Variants in XRRA1 observed in about 807,000 individuals in gnomAD.
XRRA1 encodes X-ray radiation resistance associated 1.
In XRRA1, 69 loss-of-function variants were observed where a neutral mutation model predicts 80.2. That is an observed-to-expected ratio of 0.86 (90% CI 0.71 to 1.05). XRRA1 has a LOEUF of 1.05. Ranked by LOEUF, XRRA1 falls within the 50% of genes least tolerant of loss-of-function variation. The pLI is 0.00. For missense variants in XRRA1, 967 were observed against 976.4 expected (o/e 0.99, Z 0.13); for synonymous variants, 348 against 389.9 (o/e 0.89, Z 1.27).
At chr11:74,897,706 TAAAAAAAAAAAA>T (rs61193896) in intron 10 of XRRA1, among the ~76,000 whole-genome samples, 1 of 84,440 alleles carries the variant, frequency 1.2e-5, no homozygotes, top group Non-Finnish European at 2.3e-5. Context: ...TTTAAACTGC[TAAAAAAAAAAAA>T]AAAAGAAAAA....
chr11:74,933,378 T>A (rs1179947074), intron 5 of XRRA1: 2 of 156,560 alleles, frequency 1.3e-5, no homozygotes, highest in African/African-American at 4.8e-5. Flanking sequence ...TGCCTCAGCC[T>A]CCCAAGTAGC....
At chr11:74,933,777 C>T in intron 5 of XRRA1, 24 bp downstream of exon 5, 2 of 1,567,912 alleles carry the variant, frequency 1.3e-6, no homozygotes, top group Non-Finnish European at 1.7e-6. Context: ...TCACCCCAAT[C>T]ACATCTTTGC....
intron 14 of XRRA1, 85 bp downstream of exon 14, chr11:74,851,003 G>A: frequency 1.0e-6 from 1 of 964,278 alleles, no homozygotes; most frequent in East Asian, 2.7e-5. Flanking sequence ...TGTGGAGTGA[G>A]CAGCTCTACA....
chr11:74,845,305 C>CTCAT (rs753326460), intron 15 of XRRA1, 34 bp from the exon 16 acceptor site: 306 of 1,569,560 alleles, frequency 1.9e-4, no homozygotes, highest in Non-Finnish European at 2.3e-4. Flanking sequence ...TCATTTGTCA[C>CTCAT]TCATTCATTC....
intron 10 of XRRA1, among the ~76,000 whole-genome samples, chr11:74,895,708 C>T (rs2052127625): frequency 6.6e-6 from 1 of 152,176 alleles, no homozygotes; most frequent in Non-Finnish European, 1.5e-5. Context: ...AAGAAGATTT[C>T]GTCTTGTATC....
chr11:74,891,820 T>C (rs1314877342), intron 10 of XRRA1, among the ~76,000 whole-genome samples: 1 of 152,126 alleles, frequency 6.6e-6, no homozygotes, highest in African/African-American at 2.4e-5. Context: ...TCAAAGAGAA[T>C]AAAATACCTA....
chr11:74,933,634 ATTGTTTCAACCCAATAAATCCTTGTC>A, intron 5 of XRRA1, 141 bp downstream of exon 5: 2 of 590,812 alleles, frequency 3.4e-6, no homozygotes, highest in Non-Finnish European at 6.0e-6. Flanking sequence ...GTGTCTGAAT[ATTGTTTCAACCCAATAAATCCTTGTC>A]TGACTCTCCT....
intron 14 of XRRA1, chr11:74,850,759 C>A (rs1287640988): frequency 6.1e-6 from 1 of 163,100 alleles, no homozygotes; most frequent in African/African-American, 2.4e-5. Context: ...TGGTCTCAAA[C>A]TCCTGCCCTC....
At chr11:74,844,099 G>A (rs1334030249) in intron 17 of XRRA1, 69 bp downstream of exon 17, 2 of 1,513,210 alleles carry the variant, frequency 1.3e-6, no homozygotes, top group Non-Finnish European at 9.2e-7. Flanking sequence ...GTCCCAAGGT[G>A]ACAGCCACAT....
intron 12 of XRRA1, among the ~76,000 whole-genome samples, chr11:74,857,611 C>G (rs2041420231): frequency 6.6e-6 from 1 of 151,714 alleles, no homozygotes; most frequent in Non-Finnish European, 1.5e-5. Context: ...AACCAACCAC[C>G]TTAACTTAAT....
At position 74,843,872 on chromosome 11, in the gene XRRA1, T is replaced by G; in HGVS notation, c.2131A>C (p.Ile711Leu). The change falls in exon 18 of 19, where the codon ATT (isoleucine) becomes CTT (leucine). Residue 711 changes from isoleucine (I) to leucine (L), a missense_variant. Coordinates refer to ENST00000684022, the MANE Select transcript of XRRA1 (RefSeq NM_001378157.1). ...IFIRLRDPRN[I>L]TEAPLGAVLH... ...GCCGTACCTAGTGGAGCCTCTGTAA[T>G]GTTCCGGGGATCCCGCAAGCGAATG... The G allele has an allele frequency of 6.2e-7, 1 of 1,611,408 alleles. No individual in the cohort carries two copies. The highest frequency in any genetic ancestry group is 8.5e-7 in the Non-Finnish European group (1 of 1,178,802).
intron 14 of XRRA1, chr11:74,850,870 T>C (rs567816322): frequency 1.6e-4 from 49 of 298,292 alleles, no homozygotes; most frequent in Non-Finnish European, 2.9e-4. Context: ...TGACTATAAC[T>C]TTCAATGGTA....
chr11:74,880,013 T>C (rs1565304778), intron 10 of XRRA1, among the ~76,000 whole-genome samples: 1 of 152,030 alleles, frequency 6.6e-6, no homozygotes, highest in Non-Finnish European at 1.5e-5. Flanking sequence ...TCTTTTTCTA[T>C]TGATTGGAAT....
At chr11:74,862,271 C>G (rs902796594) in intron 11 of XRRA1, among the ~76,000 whole-genome samples, 1 of 152,082 alleles carries the variant, frequency 6.6e-6, no homozygotes. Flanking sequence ...ATCACTTCGT[C>G]GACTCAATTG....
chr11:74,948,470 T>C (rs1161948177), intron 1 of XRRA1, among the ~76,000 whole-genome samples: 2 of 152,264 alleles, frequency 1.3e-5, no homozygotes, highest in Non-Finnish European at 2.9e-5. Context: ...ACAATATTGG[T>C]GCTCAATATA....
chr11:74,928,877 C>T (rs548800519), intron 6 of XRRA1, among the ~76,000 whole-genome samples: 7 of 152,150 alleles, frequency 4.6e-5, no homozygotes, highest in Non-Finnish European at 7.4e-5. Context: ...ACACCAATGA[C>T]TATACTTCCA....
intron 3 of XRRA1, among the ~76,000 whole-genome samples, chr11:74,937,771 T>C (rs968498343): frequency 2.0e-5 from 3 of 152,232 alleles, no homozygotes; most frequent in African/African-American, 7.2e-5. Flanking sequence ...GTGGTATTCA[T>C]TGCAATCTGT....
At chr11:74,867,260 A>T (rs916893063) in intron 10 of XRRA1, among the ~76,000 whole-genome samples, 2 of 152,226 alleles carry the variant, frequency 1.3e-5, no homozygotes, top group African/African-American at 4.8e-5. Flanking sequence ...TGGAATTCAG[A>T]ATATGGATGG....
At chr11:74,883,266 C>G (rs1761615624) in intron 10 of XRRA1, among the ~76,000 whole-genome samples, 1 of 152,228 alleles carries the variant, frequency 6.6e-6, no homozygotes, top group Non-Finnish European at 1.5e-5. Flanking sequence ...TGGGAGTGAC[C>G]TGATTTTCCA....
Sources: allele counts gnomAD v4.1 joint callset (sites outside exome capture counted in the v4.1 genomes callset), GRCh38; gene constraint gnomAD v4.1.1; transcripts MANE v1.5; gene names NCBI Gene and HGNC (gene_info 2026-07-23, HGNC 2026-07-21).